Variants in RCAN2 observed in about 807,000 individuals in gnomAD.
RCAN2 encodes the protein calcipressin-2.
Under a neutral mutation model 23.6 loss-of-function variants are expected in RCAN2, and 9 were observed. The observed-to-expected ratio is 0.38, with a 90% CI of 0.23 to 0.67. The LOEUF (loss-of-function observed/expected upper bound fraction) is 0.67, where lower values mean the gene tolerates loss of function less well. Among genes scored for constraint, RCAN2 ranks in the 30% least tolerant of loss-of-function variants. The pLI is 0.51. For synonymous variants in RCAN2, 109 were observed against 115.7 expected, an observed-to-expected ratio of 0.94 and a Z score of 0.37; for missense variants, 273 against 302.3, an observed-to-expected ratio of 0.90 and a Z score of 0.72.
Position 46,277,128 on chromosome 6 carries a change from A to C in RCAN2, c.226-28232T>G, listed in dbSNP as rs545364016. Among the ~76,000 whole-genome samples the C allele has an allele frequency of 9.1e-4, 139 of 152,192 alleles. 1 individual carries two copies. The highest frequency in any genetic ancestry group is 1.6e-3 in the Non-Finnish European group (109 of 67,978). On this transcript the variant is annotated intron_variant, in intron 2 of 4. Coordinates refer to ENST00000371374, the MANE Select transcript of RCAN2 (RefSeq NM_001251974.2). ...GGTTGAGGAAAAAAGAAACAGCAAA[A>C]CTGTCCCCTTTGATTGTCTGTTCTC...
intron 2 of RCAN2, among the ~76,000 whole-genome samples, chr6:46,308,502 G>A (rs1189220882): frequency 6.6e-6 from 1 of 152,146 alleles, no homozygotes; most frequent in Non-Finnish European, 1.5e-5. Flanking sequence ...ACAGTCTAGG[G>A]TGGAATGAGA....
intron 4 of RCAN2, among the ~76,000 whole-genome samples, chr6:46,244,046 T>G (rs1420558211): frequency 6.6e-6 from 1 of 152,110 alleles, no homozygotes; most frequent in Non-Finnish European, 1.5e-5. Context: ...TTCATGCTTC[T>G]TTCTACAGCC....
chr6:46,314,774 T>C (rs1256349612), intron 2 of RCAN2, among the ~76,000 whole-genome samples: 1 of 152,218 alleles, frequency 6.6e-6, no homozygotes, highest in Non-Finnish European at 1.5e-5. Context: ...TTAAAACTTC[T>C]GTATTCTGTG....
At position 46,338,363 on chromosome 6, in the gene RCAN2, T is replaced by C. The variant is rs139653882; in HGVS notation, c.226-89467A>G. ...GTGATCACTAACTGTCCCTGTGACA[T>C]TGTGTCACACCCTCTAGAGTCAAAA... On this transcript the variant is annotated intron_variant, in intron 2 of 4. Coordinates refer to ENST00000371374, the MANE Select transcript of RCAN2 (RefSeq NM_001251974.2). Among the ~76,000 whole-genome samples the C allele has an allele frequency of 4.2e-3, 632 of 152,242 alleles. 2 individuals carry two copies. The highest frequency in any genetic ancestry group is 0.014 in the African/African-American group (574 of 41,544).
chr6:46,337,123 A>G (rs1443266900), intron 2 of RCAN2, among the ~76,000 whole-genome samples: 1 of 151,880 alleles, frequency 6.6e-6, no homozygotes. Context: ...GCTCATTTCA[A>G]TCTGTAGCTA....
At chr6:46,267,770 G>T (rs72861691) in intron 2 of RCAN2, among the ~76,000 whole-genome samples, 1 of 152,106 alleles carries the variant, frequency 6.6e-6, no homozygotes, top group African/African-American at 2.4e-5. Flanking sequence ...TCCTGAAGGA[G>T]TCTTCTATAC....
chr6:46,455,537 CAG>C (rs1020202512), intron 2 of RCAN2, among the ~76,000 whole-genome samples: 2 of 151,700 alleles, frequency 1.3e-5, no homozygotes, highest in Admixed American at 6.6e-5. Flanking sequence ...ATACCTCACA[CAG>C]AGTCATATAC....
At chr6:46,244,861 G>A (rs1242769956) in intron 4 of RCAN2, among the ~76,000 whole-genome samples, 1 of 152,232 alleles carries the variant, frequency 6.6e-6, no homozygotes, top group Non-Finnish European at 1.5e-5. Flanking sequence ...GTTCAAGTGT[G>A]TCCTTGTCAA....
Position 46,220,966 on chromosome 6 carries a change from G to A in RCAN2, c.*2175C>T, listed in dbSNP as rs898689786. ...TCAAGGAGTCTTTCCATTTCTTATC[G>A]TTCTCCTAGGAAAAGCCCCTCTTTT... On this transcript the variant is annotated 3_prime_UTR_variant, in exon 5 of 5. Transcript: ENST00000371374. 5.2e-5 allele frequency: 8 copies of A among 152,536 alleles called. No homozygotes were observed. The highest frequency in any genetic ancestry group is 1.9e-4 in the African/African-American group (8 of 41,474). The allele number at this position is 152,536 out of a possible 1,614,324, so 9.4% of individuals were successfully genotyped here.
At chr6:46,335,169 G>A (rs1181736188) in intron 2 of RCAN2, among the ~76,000 whole-genome samples, 1 of 152,158 alleles carries the variant, frequency 6.6e-6, no homozygotes, top group Non-Finnish European at 1.5e-5. Flanking sequence ...TCAGAAGCTT[G>A]GGACTGTTGC....
chr6:46,332,013 G>T (rs962322003), intron 2 of RCAN2, among the ~76,000 whole-genome samples: 37 of 152,174 alleles, frequency 2.4e-4, no homozygotes, highest in African/African-American at 8.2e-4. Context: ...AGTTATTTTT[G>T]TCCTTAGAGT....
intron 2 of RCAN2, among the ~76,000 whole-genome samples, chr6:46,266,620 C>T (rs1474718587): frequency 6.6e-6 from 1 of 152,156 alleles, no homozygotes; most frequent in East Asian, 1.9e-4. Context: ...TAAGATGAAG[C>T]AGTACATCCA....
At chr6:46,277,960 C>T (rs114266797) in intron 2 of RCAN2, among the ~76,000 whole-genome samples, 2,894 of 152,144 alleles carry the variant, frequency 0.019, 85 homozygotes, top group African/African-American at 0.062. Context: ...TGTTTAAAGA[C>T]GGAGGCGCTT....
At chr6:46,480,854 C>T (rs1387857629) in intron 1 of RCAN2, among the ~76,000 whole-genome samples, 1 of 152,184 alleles carries the variant, frequency 6.6e-6, no homozygotes, top group African/African-American at 2.4e-5. Context: ...GATCTCCTGA[C>T]CTCGTGATAC....
At chr6:46,292,423 G>GTTTTTTTTT (rs869232910) in intron 2 of RCAN2, among the ~76,000 whole-genome samples, 14 of 107,562 alleles carry the variant, frequency 1.3e-4, no homozygotes, top group African/African-American at 4.8e-4. Context: ...GAGTTGATTT[G>GTTTTTTTTT]TTGTTTTTTT....
intron 2 of RCAN2, among the ~76,000 whole-genome samples, chr6:46,331,943 G>A (rs1269252867): frequency 6.6e-6 from 1 of 152,110 alleles, no homozygotes; most frequent in Non-Finnish European, 1.5e-5. Context: ...CACACTATAG[G>A]CACAACAGCC....
At chr6:46,281,331 A>G (rs1767904243) in intron 2 of RCAN2, among the ~76,000 whole-genome samples, 2 of 152,254 alleles carry the variant, frequency 1.3e-5, no homozygotes, top group Admixed American at 6.5e-5. Context: ...TGGTCTGTGC[A>G]TGAAAATACC....
chr6:46,251,891 A>G (rs555799824), intron 2 of RCAN2, among the ~76,000 whole-genome samples: 1 of 152,254 alleles, frequency 6.6e-6, no homozygotes, highest in African/African-American at 2.4e-5. Flanking sequence ...TTAGGCTGAA[A>G]AACAAAAGGA....
intron 2 of RCAN2, among the ~76,000 whole-genome samples, chr6:46,336,309 G>C (rs1462895738): frequency 1.3e-5 from 2 of 152,200 alleles, no homozygotes; most frequent in Non-Finnish European, 2.9e-5. Context: ...AGACTAGATG[G>C]GGTGGTTTTC....
Sources: gnomAD v4.1 joint callset for allele counts (sites outside exome capture counted in the v4.1 genomes callset) on GRCh38, gnomAD v4.1.1 for gene constraint, MANE v1.5 for transcripts, NCBI Gene and HGNC (gene_info 2026-07-23, HGNC 2026-07-21) for gene names.